Variants in RBM47 observed in about 807,000 individuals in gnomAD.
The protein encoded by RBM47 is RNA-binding protein 47.
In RBM47, 21 loss-of-function variants were observed where a neutral mutation model predicts 47.1. The observed-to-expected ratio is 0.45, with a 90% confidence interval of 0.32 to 0.64. RBM47 has a LOEUF of 0.64. RBM47 is among the 30% of genes least tolerant of loss of function. The probability of loss-of-function intolerance (pLI) is 0.05; values close to 1 mark genes in which losing one functional copy is unlikely to be tolerated. For synonymous variants in RBM47, 375 were observed against 361.7 expected, an observed-to-expected ratio of 1.04 and a Z score of -0.42; for missense variants, 708 against 870.9, an observed-to-expected ratio of 0.81 and a Z score of 2.35.
chr4:40,492,409 G>A (rs571324848), intron 2 of RBM47, among the ~76,000 whole-genome samples: 3 of 152,208 alleles, frequency 2.0e-5, no homozygotes, highest in East Asian at 3.9e-4. Flanking sequence ...CACACTTTGC[G>A]AGAGTGGGAG....
chr4:40,532,654 T>C (rs1038389118), intron 2 of RBM47, among the ~76,000 whole-genome samples: 1 of 121,274 alleles, frequency 8.2e-6, no homozygotes, highest in Non-Finnish European at 1.6e-5. Flanking sequence ...TTTTTCTTTT[T>C]AAATATTTTT....
rs552120995 is a variant in RBM47 at position 40,472,594 on chromosome 4, C to T, written c.-154-5895G>A. Among the ~76,000 whole-genome samples, 12 of 149,256 alleles carry T rather than the reference C, an allele frequency of 8.0e-5. No homozygotes were observed. The East Asian group carries it at 2.0e-3, about 24-fold the overall frequency. Reference sequence around the variant, plus strand: ...AAAAAAAAAAAATCATGTTTTTCTTCAAATGCTATTGATACATTCCATAGG... The same window carrying T: ...AAAAAAAAAAAATCATGTTTTTCTTTAAATGCTATTGATACATTCCATAGG... On this transcript the variant is annotated intron_variant, in intron 2 of 6. Coordinates refer to ENST00000295971, the MANE Select transcript of RBM47 (RefSeq NM_001098634.2).
intron 2 of RBM47, among the ~76,000 whole-genome samples, chr4:40,492,362 C>T (rs1012629860): frequency 5.9e-5 from 9 of 151,780 alleles, no homozygotes; most frequent in Non-Finnish European, 8.8e-5. Flanking sequence ...GACCCTGTGT[C>T]CAAAAAAAAG....
At chr4:40,512,148 C>T (rs943279362) in intron 2 of RBM47, among the ~76,000 whole-genome samples, 5 of 152,028 alleles carry the variant, frequency 3.3e-5, no homozygotes, top group African/African-American at 9.7e-5. Flanking sequence ...TTGCCAGGCG[C>T]GGTGGCTCAC....
intron 1 of RBM47, among the ~76,000 whole-genome samples, chr4:40,559,320 A>G (rs183523490): frequency 2.0e-5 from 3 of 152,342 alleles, no homozygotes; most frequent in Admixed American, 2.0e-4. Context: ...TCAAACAATT[A>G]CAGGTGACAA....
At chr4:40,612,382 C>G (rs116769112) in intron 1 of RBM47, among the ~76,000 whole-genome samples, 1 of 152,176 alleles carries the variant, frequency 6.6e-6, no homozygotes, top group Non-Finnish European at 1.5e-5. Context: ...TGTAGTGGCA[C>G]ATGCTTGCAA....
intron 2 of RBM47, among the ~76,000 whole-genome samples, chr4:40,470,306 T>C (rs1369849469): frequency 3.3e-5 from 5 of 152,154 alleles, no homozygotes; most frequent in Non-Finnish European, 7.3e-5. Flanking sequence ...GGGGAAAAGT[T>C]TATAGATTCC....
chr4:40,606,778 A>G (rs1735793754), intron 1 of RBM47, among the ~76,000 whole-genome samples: 1 of 152,120 alleles, frequency 6.6e-6, no homozygotes, highest in African/African-American at 2.4e-5. Context: ...AAGTACTGAG[A>G]TGTAAGTACT....
In RBM47 at chr4:40,557,105, T is replaced by C. The variant is rs184277245; in HGVS notation, c.-239-12599A>G. On this transcript the variant is annotated intron_variant, in intron 1 of 6. Coordinates refer to ENST00000295971, the MANE Select transcript of RBM47 (RefSeq NM_001098634.2). ...TTCTGTCCCCTAAATTCATTATTGG[T>C]GGAAGTAAAAGATGCTGATCATTTG... Among the ~76,000 whole-genome samples, 262 of 152,226 alleles carry C rather than the reference T, an allele frequency of 1.7e-3. 1 individual carries two copies. The highest frequency in any genetic ancestry group is 6.2e-3 in the African/African-American group (258 of 41,530).
chr4:40,519,723 A>G (rs1419185559), intron 2 of RBM47, among the ~76,000 whole-genome samples: 8 of 130,300 alleles, frequency 6.1e-5, no homozygotes, highest in Non-Finnish European at 1.6e-5. Context: ...AGGCTGGAGT[A>G]TAGTGGCTCA....
At chr4:40,475,181 C>CTT (rs966454872) in intron 2 of RBM47, among the ~76,000 whole-genome samples, 2 of 152,118 alleles carry the variant, frequency 1.3e-5, no homozygotes, top group African/African-American at 4.8e-5. Flanking sequence ...TATACAAGAA[C>CTT]TTTACTCTGA....
At chr4:40,496,054 C>T (rs1722522748) in intron 2 of RBM47, among the ~76,000 whole-genome samples, 1 of 152,154 alleles carries the variant, frequency 6.6e-6, no homozygotes, top group Non-Finnish European at 1.5e-5. Context: ...CTTTCTATTC[C>T]CTTTTATTTC....
At chr4:40,494,660 C>T (rs1722336745) in intron 2 of RBM47, among the ~76,000 whole-genome samples, 2 of 152,124 alleles carry the variant, frequency 1.3e-5, no homozygotes, top group African/African-American at 4.8e-5. Context: ...TTCTCCTGTG[C>T]ACTCACCTTC....
chr4:40,623,056 G>A (rs988523221), intron 1 of RBM47, among the ~76,000 whole-genome samples: 2 of 152,222 alleles, frequency 1.3e-5, no homozygotes, highest in Non-Finnish European at 2.9e-5. Flanking sequence ...CATGACCAGG[G>A]TGTATGAGAA....
intron 1 of RBM47, among the ~76,000 whole-genome samples, chr4:40,547,585 A>G (rs1729152851): frequency 1.3e-5 from 2 of 152,184 alleles, no homozygotes; most frequent in Admixed American, 1.3e-4. Context: ...AAACAAAGAA[A>G]TACACTGCCC....
At chr4:40,583,388 G>GGAAA (rs1733166027) in intron 1 of RBM47, among the ~76,000 whole-genome samples, 2 of 91,102 alleles carry the variant, frequency 2.2e-5, no homozygotes, top group Admixed American at 1.2e-4. Flanking sequence ...CTCCATCTCA[G>GGAAA]AAAAAAAAAA....
rs148684254 is a variant in RBM47 at position 40,567,006 on chromosome 4, C to T, written c.-239-22500G>A. On this transcript the variant is annotated intron_variant, in intron 1 of 6. Transcript: ENST00000295971. ...TTTTCTCTATCCTTGTTCCTGTGCC[C>T]TGGGCTTGCTCTGAAGATGGTGTGA... is the stretch of plus-strand genomic sequence containing the variant. 2.3e-3 allele frequency among the ~76,000 whole-genome samples: 357 copies of T among 151,926 alleles called. 2 individuals carry two copies. Among genetic ancestry groups the T allele is most frequent in the African/African-American group, 8.2e-3 (339 of 41,460 alleles).
intron 6 of RBM47, among the ~76,000 whole-genome samples, chr4:40,430,361 T>C (rs2154209329): frequency 6.6e-6 from 1 of 152,326 alleles, no homozygotes; most frequent in East Asian, 1.9e-4. Context: ...ACAGTGCACA[T>C]GAAAGACAAG....
intron 3 of RBM47, among the ~76,000 whole-genome samples, chr4:40,464,842 G>T (rs1263001437): frequency 8.1e-6 from 1 of 124,120 alleles, no homozygotes; most frequent in Non-Finnish European, 1.6e-5. Context: ...AGTGAGCCGA[G>T]ATCGCGCCAC....
Sources: allele counts gnomAD v4.1 joint callset (sites outside exome capture counted in the v4.1 genomes callset), GRCh38; gene constraint gnomAD v4.1.1; transcripts MANE v1.5; gene names NCBI Gene and HGNC (gene_info 2026-07-23, HGNC 2026-07-21).